The following FRRS1 variants were observed in gnomAD, a reference collection of about 807,000 sequenced individuals.
The protein encoded by FRRS1 is ferric chelate reductase 1.
Under a neutral mutation model 70.7 loss-of-function variants are expected in FRRS1, and 51 were observed. That is an observed-to-expected ratio of 0.72 (90% CI 0.58 to 0.91). The LOEUF is 0.91. FRRS1 is among the 40% of genes least tolerant of loss of function. The pLI is 0.00. For missense variants in FRRS1, 672 were observed against 726.0 expected, an observed-to-expected ratio of 0.93 and a Z score of 0.86; for synonymous variants, 225 against 238.7, an observed-to-expected ratio of 0.94 and a Z score of 0.53.
At chr1:99,712,544 C>T (rs970803053) in intron 12 of FRRS1, 29 bp from the exon 13 acceptor site, 1 of 1,188,362 alleles carries the variant, frequency 8.4e-7, no homozygotes, top group Non-Finnish European at 1.2e-6. Flanking sequence ...TTTTAATGGC[C>T]TCAATCTCTC....
In FRRS1 at chr1:99,713,414, T is replaced by C. The variant is rs1005184232; in HGVS notation, c.1324-899A>G. ...CCAAAATGTCTGAATAAAATAAAGT[T>C]CTCATGTCTCAATTCATATCACAAA... On this transcript the variant is annotated intron_variant, in intron 12 of 16. Transcript: ENST00000646001. Among the ~76,000 whole-genome samples the C allele has an allele frequency of 3.3e-5, 5 of 152,242 alleles. No homozygotes were observed. The East Asian group carries it at 9.6e-4, about 29-fold the overall frequency.
rs138297929 is a variant in FRRS1 at position 99,759,284 on chromosome 1, T to C, written c.-106+7323A>G. Among the ~76,000 whole-genome samples the C allele has an allele frequency of 2.7e-3, 412 of 152,354 alleles. 3 individuals carry two copies. The highest frequency in any genetic ancestry group is 9.6e-3 in the African/African-American group (398 of 41,572). On this transcript the variant is annotated intron_variant, in intron 1 of 16. Transcript: ENST00000646001. ...GCATCAGGGTCCTACAGATATGTGA[T>C]GTCACCCCCAGCAGCCCAGCTGTAA...
chr1:99,704,858 G>C lies in FRRS1; in HGVS notation c.*4170C>G, dbSNP rs1259590884. The stretch of plus-strand genomic sequence containing the variant: ...CAGAGGAGAGCCCAGGCAGTCTAGC[G>C]GCCCAACTCCAGGGGAAAACCATCT... On this transcript the variant is annotated 3_prime_UTR_variant, in exon 17 of 17. Transcript: ENST00000646001. Among the ~76,000 whole-genome samples the C allele has an allele frequency of 1.3e-5, 2 of 152,098 alleles. No individual in the cohort carries two copies. The highest frequency in any genetic ancestry group is 2.9e-5 in the Non-Finnish European group (2 of 68,014).
chr1:99,755,990 A>G (rs1300634362), intron 1 of FRRS1, among the ~76,000 whole-genome samples: 2 of 152,202 alleles, frequency 1.3e-5, no homozygotes, highest in African/African-American at 4.8e-5. Flanking sequence ...TAATGTTTTA[A>G]GGTACAACTT....
intron 7 of FRRS1, among the ~76,000 whole-genome samples, chr1:99,734,726 G>T (rs776451420): frequency 1.3e-5 from 2 of 152,200 alleles, no homozygotes; most frequent in African/African-American, 2.4e-5. Flanking sequence ...ATCAACAATG[G>T]TAGGTGCTTT....
intron 11 of FRRS1, among the ~76,000 whole-genome samples, 195 bp downstream of exon 11, chr1:99,717,215 C>T (rs1654572397): frequency 6.6e-6 from 1 of 152,160 alleles, no homozygotes; most frequent in Non-Finnish European, 1.5e-5. Flanking sequence ...CTTCCTAAAA[C>T]TGTCTGTATT....
chr1:99,759,566 T>C (rs920161467), intron 1 of FRRS1, among the ~76,000 whole-genome samples: 2 of 152,100 alleles, frequency 1.3e-5, no homozygotes, highest in African/African-American at 4.8e-5. Context: ...AGGAAGACTT[T>C]TAGAAAAATA....
At chr1:99,741,692 A>G (rs369417599) in intron 5 of FRRS1, among the ~76,000 whole-genome samples, 3 of 152,334 alleles carry the variant, frequency 2.0e-5, no homozygotes, top group South Asian at 2.1e-4. Context: ...CAAGACTTTC[A>G]TTTGTATTCT....
At chr1:99,714,634 A>G (rs1308070253) in intron 12 of FRRS1, among the ~76,000 whole-genome samples, 2 of 152,248 alleles carry the variant, frequency 1.3e-5, no homozygotes, top group African/African-American at 4.8e-5. Flanking sequence ...ATCTGATGAC[A>G]GTGACAAGTG....
chr1:99,712,441 G>A lies in FRRS1; in HGVS notation c.1398C>T (p.Phe466=). Residue 466 remains phenylalanine, a synonymous_variant, in exon 13 of 17, where the codon TTC becomes TTT. Coordinates refer to ENST00000646001, the MANE Select transcript of FRRS1 (RefSeq NM_001361041.2). ...LAVLQPLLAV[F]RPPLHDPRRQ... ...ACCTTGGGTCATGTAAAGGTGGCCT[G>A]AAGACTGCCAGAAGAGGCTGAAGAA... 1 of 1,612,746 alleles carries A rather than the reference G, an allele frequency of 6.2e-7. No homozygotes were observed. The highest frequency in any genetic ancestry group is 8.5e-7 in the Non-Finnish European group (1 of 1,179,088).
intron 5 of FRRS1, among the ~76,000 whole-genome samples, 177 bp downstream of exon 5, chr1:99,742,002 T>C (rs976522962): frequency 1.3e-5 from 2 of 152,230 alleles, no homozygotes; most frequent in Non-Finnish European, 2.9e-5. Context: ...ATTATACTAG[T>C]AGTTACAGAG....
chr1:99,708,753 T>C lies in FRRS1; in HGVS notation c.*275A>G, dbSNP rs908019429. 1.8e-6 allele frequency: 1 copy of C among 546,110 alleles called. No homozygotes were observed. The highest frequency in any genetic ancestry group is 1.9e-5 in the African/African-American group (1 of 52,606). The allele number at this position is 546,110 out of a possible 1,614,324, so 33.8% of individuals were successfully genotyped here. On this transcript the variant is annotated 3_prime_UTR_variant, in exon 17 of 17. Transcript: ENST00000646001. ...CTTAAATACCAACATTCTTAAAATC[T>C]TGGCATGAAATATTTGAGAGTTACT...
intron 8 of FRRS1, 40 bp downstream of exon 8, chr1:99,729,610 C>A: frequency 7.9e-7 from 1 of 1,259,880 alleles, no homozygotes. Flanking sequence ...AGCCGGAAAG[C>A]GGGTCTCCAG....
rs529441396 is a variant in FRRS1 at position 99,729,793 on chromosome 1, A to C, written c.760-45T>G. 44 of 1,294,020 alleles carry C rather than the reference A, an allele frequency of 3.4e-5. 1 individual carries two copies. The South Asian group carries it at 5.4e-4, about 16-fold the overall frequency. 80.2% of individuals were successfully genotyped at this position (1,294,020 alleles called of 1,614,324 possible). ...GAGAAAAAAAGCTCAAAGGAATTTC[A>C]GCATTTTATTTTCTCTTTTTAAAAA... On this transcript the variant is annotated intron_variant, in intron 7 of 16. Coordinates refer to ENST00000646001, the MANE Select transcript of FRRS1 (RefSeq NM_001361041.2).
At chr1:99,722,367 C>T (rs1654876894) in intron 9 of FRRS1, among the ~76,000 whole-genome samples, 2 of 152,072 alleles carry the variant, frequency 1.3e-5, no homozygotes. Flanking sequence ...TTTAGTATAA[C>T]CCTGAAATCA....
chr1:99,721,784 A>G (rs1044198563), intron 9 of FRRS1, among the ~76,000 whole-genome samples: 1 of 151,710 alleles, frequency 6.6e-6, no homozygotes, highest in Non-Finnish European at 1.5e-5. Context: ...TTTTTAGTAG[A>G]GACGGGGTTT....
chr1:99,729,733 A>G lies in FRRS1; in HGVS notation c.775T>C (p.Tyr259His), dbSNP rs745323745. Residue 259 changes from tyrosine to histidine, a missense_variant, in exon 8 of 17, where the codon TAT becomes CAT. Coordinates refer to ENST00000646001, the MANE Select transcript of FRRS1 (RefSeq NM_001361041.2). ...HDQWMGDDDA[Y>H]LCIHEDQTVY... ...GTCTGATCTTCATGAATACACAGATAAGCATCATCATCACCCTGAAAAACA... is the reference window on the plus strand; with the variant it reads ...GTCTGATCTTCATGAATACACAGATGAGCATCATCATCACCCTGAAAAACA... 29 of 1,610,148 alleles carry G rather than the reference A, an allele frequency of 1.8e-5. 1 individual carries two copies. The highest frequency in any genetic ancestry group is 2.4e-5 in the Non-Finnish European group (28 of 1,176,734).
intron 13 of FRRS1, 70 bp downstream of exon 13, chr1:99,712,348 A>G (rs1654308315): frequency 8.4e-7 from 1 of 1,194,418 alleles, no homozygotes; most frequent in African/African-American, 1.5e-5. Flanking sequence ...TTTCCATTTG[A>G]AAACAGATTA....
At position 99,709,029 on chromosome 1, in the gene FRRS1, C is replaced by T. The variant is rs1571086972; in HGVS notation, c.1778G>A (p.Ter593=). 22 of 1,613,790 alleles carry T rather than the reference C, an allele frequency of 1.4e-5. No individual in the cohort carries two copies. The highest frequency in any genetic ancestry group is 1.7e-4 in the Middle Eastern group (1 of 6,060). ...GCAAAAGCCAAGGTCTTTGCTTGCT[C>T]ATAGATGGTTGATTGCAGATAAAAA... ...IIFLSAINHL[*] is the part of the protein sequence containing the mutation. Residue 593 remains the stop codon, a stop_retained_variant, in exon 17 of 17, where the codon TGA becomes TAA. Transcript: ENST00000646001.
Sources: allele counts gnomAD v4.1 joint callset (sites outside exome capture counted in the v4.1 genomes callset), GRCh38; gene constraint gnomAD v4.1.1; transcripts MANE v1.5; gene names NCBI Gene and HGNC (gene_info 2026-07-23, HGNC 2026-07-21).